LHPP: variants seen among roughly 807,000 people sequenced by gnomAD.
The protein encoded by LHPP is hLHPP.
In LHPP, 24 loss-of-function variants were observed where a neutral mutation model predicts 30.3. That is an observed-to-expected ratio of 0.79 (90% CI 0.57 to 1.11). LHPP has a LOEUF of 1.11. Ranked by LOEUF, LHPP falls within the 50% of genes most tolerant of loss-of-function variation. LHPP has a pLI of 0.00. For missense variants in LHPP, 356 were observed against 367.2 expected, an observed-to-expected ratio of 0.97 and a Z score of 0.25; for synonymous variants, 150 against 157.1, an observed-to-expected ratio of 0.95 and a Z score of 0.34.
At chr10:124,482,933 G>A (rs1953187656) in intron 1 of LHPP, among the ~76,000 whole-genome samples, 1 of 152,220 alleles carries the variant, frequency 6.6e-6, no homozygotes, top group African/African-American at 2.4e-5. Context: ...CTGGAGATCA[G>A]GGAACTTTTC....
intron 1 of LHPP, among the ~76,000 whole-genome samples, chr10:124,481,613 T>C (rs533107590): frequency 6.6e-6 from 1 of 152,052 alleles, no homozygotes; most frequent in East Asian, 1.9e-4. Context: ...ACTCCTGCCC[T>C]CAAGTGATCC....
chr10:124,507,132 CG>C (rs1303931561), intron 5 of LHPP, among the ~76,000 whole-genome samples: 1 of 17,470 alleles, frequency 5.7e-5, no homozygotes, highest in Non-Finnish European at 1.2e-4. Flanking sequence ...GATTTCAGGT[CG>C]GGGGGTTAGA....
At chr10:124,483,205 G>C (rs1407054337) in intron 1 of LHPP, among the ~76,000 whole-genome samples, 1 of 152,212 alleles carries the variant, frequency 6.6e-6, no homozygotes, top group Non-Finnish European at 1.5e-5. Flanking sequence ...ATCCCGGAAT[G>C]TTGGTGTCCC....
chr10:124,607,512 G>A (rs561405538), intron 6 of LHPP, among the ~76,000 whole-genome samples: 2 of 152,322 alleles, frequency 1.3e-5, no homozygotes, highest in East Asian at 3.9e-4. Flanking sequence ...AGCCACGGAC[G>A]CCATTCGGCT....
chr10:124,578,244 C>T lies in LHPP; in HGVS notation c.717-35020C>T, dbSNP rs1333704061. Among the ~76,000 whole-genome samples the T allele has an allele frequency of 2.6e-5, 4 of 152,348 alleles. 1 individual carries two copies. Among genetic ancestry groups the T allele is most frequent in the East Asian group, 3.9e-4 (2 of 5,184 alleles). On this transcript the variant is annotated intron_variant, in intron 6 of 6. Transcript: ENST00000368842. ...CCAGGGCATTTGCAAGGGAGTAGAA[C>T]GAAGACCAAGTCCGTGCAGGGGCTG...
chr10:124,565,212 A>G (rs6597845), intron 6 of LHPP, among the ~76,000 whole-genome samples: 121,520 of 152,044 alleles, frequency 0.8, 49,447 homozygotes, highest in East Asian at 0.99. Flanking sequence ...AGAAGCACGC[A>G]TGAGAAGGGC....
At chr10:124,484,356 G>A (rs1450549256) in intron 2 of LHPP, 30 bp downstream of exon 2, 2 of 1,594,392 alleles carry the variant, frequency 1.3e-6, no homozygotes, top group Non-Finnish European at 1.7e-6. Context: ...GGACCTCACG[G>A]GGGTGAAAGC....
chr10:124,577,701 TGCATGCACATGCATATGTGTGCACAC>T (rs1405115219), intron 6 of LHPP, among the ~76,000 whole-genome samples: 7 of 152,096 alleles, frequency 4.6e-5, no homozygotes, highest in African/African-American at 1.7e-4. Context: ...TAAATACACA[TGCATGCACATGCATATGTGTGCACAC>T]ATATGCACAT....
chr10:124,600,064 A>G (rs1200703440), intron 6 of LHPP, among the ~76,000 whole-genome samples: 1 of 152,206 alleles, frequency 6.6e-6, no homozygotes, highest in Non-Finnish European at 1.5e-5. Context: ...CAAGTGAGGC[A>G]GGGGCAGTTG....
At chr10:124,582,903 T>C (rs1429958146) in intron 6 of LHPP, among the ~76,000 whole-genome samples, 1 of 151,998 alleles carries the variant, frequency 6.6e-6, no homozygotes. Context: ...TGAATCATCA[T>C]GAAGGTCTTT....
chr10:124,462,115 C>T (rs1380321048), intron 1 of LHPP, 128 bp downstream of exon 1: 3 of 863,032 alleles, frequency 3.5e-6, no homozygotes, highest in Non-Finnish European at 3.0e-6. Flanking sequence ...TCTCCCCCTT[C>T]CCACCCCGGT....
Position 124,592,717 on chromosome 10 carries a change from A to T in LHPP, c.717-20547A>T, listed in dbSNP as rs1408715308. Among the ~76,000 whole-genome samples the T allele has an allele frequency of 2.6e-5, 4 of 152,226 alleles. No individual in the cohort carries two copies. Among genetic ancestry groups the T allele is most frequent in the Non-Finnish European group, 5.9e-5 (4 of 68,038 alleles). ...TTGTGGCTTCCCAGTAAACGGTGGG[A>T]CAGGACCAGGGTCTGAGGAAAAGCA... On this transcript the variant is annotated intron_variant, in intron 6 of 6. Coordinates refer to ENST00000368842, the MANE Select transcript of LHPP (RefSeq NM_022126.4). This position sits in a 1 kb window ranked among gnomAD's most constrained non-coding sequence, Gnocchi z 6.2.
At position 124,510,302 on chromosome 10, in the gene LHPP, G is replaced by T. The variant is rs1021861639; in HGVS notation, c.625-6878G>T. ...ATTGCCCTTCACCGATAGTAAATCT[G>T]GGAATCCCCTGGGGTCCTGAGCGCA... On this transcript the variant is annotated intron_variant, in intron 5 of 6. Coordinates refer to ENST00000368842, the MANE Select transcript of LHPP (RefSeq NM_022126.4). This position sits in a 1 kb window ranked among gnomAD's most constrained non-coding sequence, Gnocchi z 4.0. Among the ~76,000 whole-genome samples, 1 of 152,208 alleles carries T rather than the reference G, an allele frequency of 6.6e-6. No homozygotes were observed. Among genetic ancestry groups the T allele is most frequent in the Non-Finnish European group, 1.5e-5 (1 of 68,034 alleles).
chr10:124,601,097 C>A (rs1949014684), intron 6 of LHPP, among the ~76,000 whole-genome samples: 1 of 152,104 alleles, frequency 6.6e-6, no homozygotes, highest in Non-Finnish European at 1.5e-5. Flanking sequence ...GGGAATGAGG[C>A]CCAGGGAGCT....
chr10:124,492,437 A>G (rs4962632), intron 3 of LHPP, among the ~76,000 whole-genome samples: 106,759 of 151,996 alleles, frequency 0.7, 38,877 homozygotes, highest in Non-Finnish European at 0.81. Context: ...CTGGCAGGCT[A>G]GGGACTCAGG....
chr10:124,604,769 C>T (rs1482008992), intron 6 of LHPP, among the ~76,000 whole-genome samples: 1 of 152,250 alleles, frequency 6.6e-6, no homozygotes, highest in African/African-American at 2.4e-5. Flanking sequence ...GCAGCCGCCC[C>T]CTGCACCTGG....
rs749162151 is a variant in LHPP, at chr10:124,557,012, G to A, written c.716+39741G>A. Among the ~76,000 whole-genome samples the A allele has an allele frequency of 3.2e-4, 49 of 152,108 alleles. 1 individual carries two copies. Among genetic ancestry groups the A allele is most frequent in the Non-Finnish European group, 5.7e-4 (39 of 68,022 alleles). On this transcript the variant is annotated intron_variant, in intron 6 of 6. Coordinates refer to ENST00000368842, the MANE Select transcript of LHPP (RefSeq NM_022126.4). Reference sequence around the variant, plus strand: ...GAAGATGCTAGCAAATTAATTTCAGGCGCACGAGACAGGCGGTCGGTGCTC... The same window carrying A: ...GAAGATGCTAGCAAATTAATTTCAGACGCACGAGACAGGCGGTCGGTGCTC...
intron 6 of LHPP, among the ~76,000 whole-genome samples, chr10:124,610,914 CTGATGGAGCGGGCGAGGGTGA>C (rs1564853186): frequency 7.4e-4 from 39 of 52,850 alleles, no homozygotes; most frequent in African/African-American, 2.8e-3. Context: ...GGTGAGGGTG[CTGATGGAGCGGGCGAGGGTGA>C]GGGTGAGGGT....
chr10:124,473,983 CT>C (rs200132699), intron 1 of LHPP, among the ~76,000 whole-genome samples: 2 of 150,704 alleles, frequency 1.3e-5, no homozygotes, highest in South Asian at 2.1e-4. Context: ...CAACGTTTTC[CT>C]TTTTTTTTAA....
Sources: gnomAD v4.1 joint callset for allele counts (sites outside exome capture counted in the v4.1 genomes callset) on GRCh38, gnomAD v4.1.1 for gene constraint, Gnocchi (gnomAD v3.1) non-coding constraint, MANE v1.5 for transcripts, NCBI Gene and HGNC (gene_info 2026-07-23, HGNC 2026-07-21) for gene names.